The following GLRA3 variants were observed in gnomAD, a reference collection of about 807,000 sequenced individuals.
GLRA3 encodes the protein glycine receptor subunit alpha-3.
GLRA3 carries 44 observed loss-of-function variants against 60.4 expected under a neutral mutation model. The observed-to-expected ratio is 0.73, with a 90% confidence interval of 0.57 to 0.94. The LOEUF is 0.94. Among genes scored for constraint, GLRA3 ranks in the 40% least tolerant of loss-of-function variants. GLRA3 has a pLI of 0.00. For missense variants in GLRA3, 508 were observed against 564.6 expected (o/e 0.90, Z 1.02); for synonymous variants, 223 against 192.9 (o/e 1.16, Z -1.29).
intron 4 of GLRA3, among the ~76,000 whole-genome samples, chr4:174,717,260 G>A (rs1376065503): frequency 7.0e-6 from 1 of 142,728 alleles, no homozygotes. Context: ...AAGGGAGGGA[G>A]GGAGGGAGAG....
intron 7 of GLRA3, among the ~76,000 whole-genome samples, chr4:174,672,544 A>C (rs4695783): frequency 0.98 from 148,950 of 151,996 alleles, 73,052 homozygotes; most frequent in East Asian, 1. Flanking sequence ...TGCCTTCTTG[A>C]TCTCCAGCAC....
chr4:174,643,264 T>A lies in GLRA3; in HGVS notation c.*522A>T, dbSNP rs1440795686. 2 of 482,368 alleles carry A rather than the reference T, an allele frequency of 4.1e-6. No individual in the cohort carries two copies. Among genetic ancestry groups the A allele is most frequent in the Non-Finnish European group, 5.2e-6 (2 of 387,058 alleles). The allele number at this position is 482,368 out of a possible 1,614,324, so 29.9% of individuals were successfully genotyped here. On this transcript the variant is annotated 3_prime_UTR_variant, in exon 10 of 10. Coordinates refer to ENST00000274093, the MANE Select transcript of GLRA3 (RefSeq NM_006529.4). The stretch of plus-strand genomic sequence containing the variant: ...TTATTTAAAAATTTTCAAAATTACA[T>A]ATGTTGTTTAAATAGTATTTATATG...
In GLRA3 at chr4:174,643,152, T is replaced by G. The variant is rs574110516; in HGVS notation, c.*634A>C. ...TTGTGACTGTAACACGATCTCTTGTTATTTGTTTTAAATTTGCACAGAGGA... is the reference window on the plus strand; with the variant it reads ...TTGTGACTGTAACACGATCTCTTGTGATTTGTTTTAAATTTGCACAGAGGA... On this transcript the variant is annotated 3_prime_UTR_variant, in exon 10 of 10. Coordinates refer to ENST00000274093, the MANE Select transcript of GLRA3 (RefSeq NM_006529.4). The G allele has an allele frequency of 2.3e-6, 2 of 874,982 alleles. No individual in the cohort carries two copies. Among genetic ancestry groups the G allele is most frequent in the East Asian group, 2.4e-4 (2 of 8,314 alleles). The allele number at this position is 874,982 out of a possible 1,614,324, so 54.2% of individuals were successfully genotyped here. A position where few individuals can be genotyped will look rare whatever the true frequency, so the allele number is the denominator to read the frequency against.
chr4:174,679,228 G>T (rs1734244235), intron 6 of GLRA3, among the ~76,000 whole-genome samples: 1 of 152,084 alleles, frequency 6.6e-6, no homozygotes, highest in African/African-American at 2.4e-5. Context: ...CTACTCAGGG[G>T]GCTGAGGCAG....
intron 5 of GLRA3, among the ~76,000 whole-genome samples, chr4:174,709,965 TTC>T (rs1056943519): frequency 7.1e-6 from 1 of 140,784 alleles, no homozygotes; most frequent in African/African-American, 2.5e-5. Context: ...AATGTTGATT[TTC>T]TTTTTTTTTT....
intron 1 of GLRA3, among the ~76,000 whole-genome samples, chr4:174,798,653 G>A (rs780756511): frequency 5.9e-5 from 9 of 152,204 alleles, no homozygotes; most frequent in Non-Finnish European, 1.0e-4. Context: ...GGCTGGGCGC[G>A]GTGGCTCATG....
At chr4:174,673,492 G>A (rs996654650) in intron 7 of GLRA3, among the ~76,000 whole-genome samples, 1 of 152,114 alleles carries the variant, frequency 6.6e-6, no homozygotes, top group Non-Finnish European at 1.5e-5. Flanking sequence ...AAGAGTTTGG[G>A]AGTAAAGTTT....
Position 174,818,169 on chromosome 4 carries a change from G to A in GLRA3, c.71+10572C>T, listed in dbSNP as rs1948055. ...CCAAATTTATTCTTATTTTCACATG[G>A]CATACAAGTGAATGAGGAGAGGCAA... On this transcript the variant is annotated intron_variant, in intron 1 of 9. Transcript: ENST00000274093. 3.7e-3 allele frequency among the ~76,000 whole-genome samples: 570 copies of A among 152,162 alleles called. 2 individuals carry two copies. Among genetic ancestry groups the A allele is most frequent in the African/African-American group, 0.013 (549 of 41,510 alleles).
At chr4:174,774,381 T>A (rs906516596) in intron 2 of GLRA3, among the ~76,000 whole-genome samples, 2 of 151,978 alleles carry the variant, frequency 1.3e-5, no homozygotes, top group African/African-American at 4.8e-5. Context: ...TGTGTGTGTA[T>A]GTGTGTGTGT....
chr4:174,693,783 C>G (rs1730429589), intron 5 of GLRA3, among the ~76,000 whole-genome samples: 1 of 152,024 alleles, frequency 6.6e-6, no homozygotes, highest in African/African-American at 2.4e-5. Flanking sequence ...ACTTAAAAGG[C>G]ACAGAGTGGC....
chr4:174,771,682 T>C (rs1222455106), intron 2 of GLRA3, among the ~76,000 whole-genome samples: 2 of 151,706 alleles, frequency 1.3e-5, no homozygotes, highest in Non-Finnish European at 2.9e-5. Flanking sequence ...GATTGGGATC[T>C]TTTTGGCTGA....
chr4:174,745,626 A>T (rs930029983), intron 3 of GLRA3, among the ~76,000 whole-genome samples: 1 of 152,172 alleles, frequency 6.6e-6, no homozygotes, highest in African/African-American at 2.4e-5. Context: ...AAAAATAAAA[A>T]TAGACAAATG....
rs1733319496 is a variant in GLRA3, at chr4:174,658,992, C to G, written c.1071+62G>C. The G allele has an allele frequency of 2.8e-6, 4 of 1,414,366 alleles. No individual in the cohort carries two copies. In the East Asian group the frequency reaches 9.2e-5, roughly 33 times the overall value. The allele number at this position is 1,414,366 out of a possible 1,614,324, so 87.6% of individuals were successfully genotyped here. ...CTTCTCTTTTCATCTCTATTAAATA[C>G]AACAAATTCACTTTCGAGTGAAAAC... On this transcript the variant is annotated intron_variant, in intron 8 of 9. Transcript: ENST00000274093.
intron 5 of GLRA3, among the ~76,000 whole-genome samples, chr4:174,683,549 C>T (rs981250757): frequency 6.6e-6 from 1 of 150,416 alleles, no homozygotes; most frequent in African/African-American, 2.5e-5. Context: ...CGGGGTTTTA[C>T]CATATTGGCC....
At chr4:174,761,504 GTCTCATCTTTT>G in intron 3 of GLRA3, among the ~76,000 whole-genome samples, 2 of 152,118 alleles carry the variant, frequency 1.3e-5, no homozygotes, top group Non-Finnish European at 2.9e-5. Flanking sequence ...AACCCAAAAT[GTCTCATCTTTT>G]TTGTTCTCAT....
chr4:174,733,637 C>T (rs530266260), intron 3 of GLRA3, among the ~76,000 whole-genome samples: 1 of 152,294 alleles, frequency 6.6e-6, no homozygotes, highest in African/African-American at 2.4e-5. Context: ...CAAAATTATT[C>T]AAACGAGGCA....
intron 3 of GLRA3, among the ~76,000 whole-genome samples, chr4:174,764,249 A>C (rs953377855): frequency 2.6e-5 from 4 of 152,054 alleles, no homozygotes; most frequent in Admixed American, 6.6e-5. Context: ...TTAAAGAATA[A>C]CCTCAAATGG....
intron 1 of GLRA3, among the ~76,000 whole-genome samples, chr4:174,792,649 C>G (rs529313020): frequency 6.6e-6 from 1 of 152,114 alleles, no homozygotes; most frequent in Non-Finnish European, 1.5e-5. Flanking sequence ...ATATTGTGTG[C>G]CCACACTATT....
chr4:174,724,510 C>A (rs1004440145), intron 4 of GLRA3, among the ~76,000 whole-genome samples: 1 of 151,994 alleles, frequency 6.6e-6, no homozygotes, highest in African/African-American at 2.4e-5. Context: ...TTCATTTTCC[C>A]CTTACATCTG....
Sources: allele counts gnomAD v4.1 joint callset (sites outside exome capture counted in the v4.1 genomes callset), GRCh38; gene constraint gnomAD v4.1.1; transcripts MANE v1.5; gene names NCBI Gene and HGNC (gene_info 2026-07-23, HGNC 2026-07-21).